SPAG16: variants seen among roughly 807,000 people sequenced by gnomAD.
SPAG16 encodes the protein sperm associated antigen 16.
SPAG16 carries 86 observed loss-of-function variants against 80.4 expected under a neutral mutation model. That is an observed-to-expected ratio of 1.07 (90% confidence interval 0.90 to 1.28). The LOEUF is 1.28. SPAG16 is among the 50% of genes most tolerant of loss of function. The pLI is 0.00. For synonymous variants in SPAG16, 294 were observed against 265.9 expected (o/e 1.11, Z -1.03); for missense variants, 870 against 765.3 (o/e 1.14, Z -1.61).
intron 10 of SPAG16, among the ~76,000 whole-genome samples, chr2:213,782,653 G>A (rs1398567907): frequency 6.6e-6 from 1 of 152,180 alleles, no homozygotes; most frequent in African/African-American, 2.4e-5. Flanking sequence ...CAAACAAGTG[G>A]TTATGGTAGG....
chr2:213,627,290 T>A (rs575566300), intron 10 of SPAG16, among the ~76,000 whole-genome samples: 3 of 152,168 alleles, frequency 2.0e-5, no homozygotes, highest in African/African-American at 7.2e-5. Flanking sequence ...AAAGAGGCAA[T>A]AAATTACAAT....
intron 10 of SPAG16, among the ~76,000 whole-genome samples, chr2:213,713,066 A>C (rs2066073595): frequency 6.6e-6 from 1 of 152,224 alleles, no homozygotes; most frequent in Non-Finnish European, 1.5e-5. Context: ...GCAGTGGGGG[A>C]AAGCCCCTCA....
At chr2:213,481,299 C>T (rs2073736351) in intron 9 of SPAG16, among the ~76,000 whole-genome samples, 1 of 152,204 alleles carries the variant, frequency 6.6e-6, no homozygotes, top group African/African-American at 2.4e-5. Flanking sequence ...AGTCTTCATT[C>T]ATTTTCAAAG....
At chr2:213,672,174 ATTT>A (rs57118142) in intron 10 of SPAG16, among the ~76,000 whole-genome samples, 1 of 147,182 alleles carries the variant, frequency 6.8e-6, no homozygotes, top group African/African-American at 2.5e-5. Context: ...AATTTCTTTG[ATTT>A]TTTTTTTTTC....
chr2:213,309,173 G>A (rs1482190627), intron 3 of SPAG16, among the ~76,000 whole-genome samples: 4 of 152,108 alleles, frequency 2.6e-5, no homozygotes, highest in Non-Finnish European at 1.5e-5. Flanking sequence ...ATTAGGGATT[G>A]CTCAACTTGT....
intron 10 of SPAG16, among the ~76,000 whole-genome samples, chr2:213,495,176 T>C (rs2074426494): frequency 6.6e-6 from 1 of 152,234 alleles, no homozygotes; most frequent in African/African-American, 2.4e-5. Context: ...TGGGAGATTA[T>C]ATCTTCAGTT....
intron 10 of SPAG16, among the ~76,000 whole-genome samples, chr2:213,702,016 G>A (rs112968589): frequency 9.2e-4 from 140 of 152,312 alleles, no homozygotes; most frequent in Middle Eastern, 3.4e-3. Context: ...CTAGCTGAAG[G>A]TTTGTAAACT....
chr2:214,060,524 T>C (rs76891623), intron 13 of SPAG16, among the ~76,000 whole-genome samples: 3,696 of 152,174 alleles, frequency 0.024, 103 homozygotes, highest in South Asian at 0.13. Flanking sequence ...ATAATAACAA[T>C]ACAACCATAA....
intron 15 of SPAG16, among the ~76,000 whole-genome samples, chr2:214,167,872 A>G (rs1334123741): frequency 6.6e-6 from 1 of 151,634 alleles, no homozygotes; most frequent in Middle Eastern, 3.2e-3. Flanking sequence ...AGGTCTCCAG[A>G]GTGACACTGA....
intron 10 of SPAG16, among the ~76,000 whole-genome samples, chr2:213,645,232 A>C (rs2062777942): frequency 6.6e-6 from 1 of 152,126 alleles, no homozygotes; most frequent in Admixed American, 6.5e-5. Flanking sequence ...ACTGGACTGG[A>C]ACTCAGCTTT....
At chr2:214,214,738 T>C (rs1218916718) in intron 15 of SPAG16, among the ~76,000 whole-genome samples, 1 of 151,738 alleles carries the variant, frequency 6.6e-6, no homozygotes, top group Non-Finnish European at 1.5e-5. Flanking sequence ...TAAAATTAGG[T>C]ATATTTATTT....
In SPAG16 at chr2:213,478,014, T is replaced by C. The variant is rs2073514862; in HGVS notation, c.943-11949T>C. Among the ~76,000 whole-genome samples the C allele has an allele frequency of 2.0e-5, 3 of 152,168 alleles. No individual in the cohort carries two copies. The South Asian group carries it at 6.2e-4, about 31-fold the overall frequency. ...CTGTGCTTGTGATAGTGAGTGGGTC[T>C]CACAAGATCTGATGGTTTTAGAAGT... On this transcript the variant is annotated intron_variant, in intron 9 of 15. Coordinates refer to ENST00000331683, the MANE Select transcript of SPAG16 (RefSeq NM_024532.5).
chr2:213,334,689 A>G (rs569050036), intron 5 of SPAG16, among the ~76,000 whole-genome samples: 1 of 152,326 alleles, frequency 6.6e-6, no homozygotes, highest in African/African-American at 2.4e-5. Flanking sequence ...TGTTAAGTGA[A>G]ATAACCCAGG....
intron 13 of SPAG16, among the ~76,000 whole-genome samples, chr2:214,022,677 C>A (rs1216068056): frequency 6.6e-6 from 1 of 150,692 alleles, no homozygotes; most frequent in Non-Finnish European, 1.5e-5. Context: ...AGTGAGGGAA[C>A]AATGGAGGGT....
intron 11 of SPAG16, among the ~76,000 whole-genome samples, chr2:213,893,383 C>T (rs2076861267): frequency 6.6e-6 from 1 of 151,948 alleles, no homozygotes; most frequent in South Asian, 2.1e-4. Flanking sequence ...GGTATAAAAC[C>T]CACTGTTATA....
intron 15 of SPAG16, among the ~76,000 whole-genome samples, chr2:214,401,065 A>G (rs1701679311): frequency 6.6e-6 from 1 of 152,014 alleles, no homozygotes; most frequent in Admixed American, 6.6e-5. Flanking sequence ...TCTGAAATGC[A>G]TTGATCAGCA....
chr2:214,005,277 C>G (rs565071114), intron 12 of SPAG16, among the ~76,000 whole-genome samples: 1 of 152,156 alleles, frequency 6.6e-6, no homozygotes, highest in Non-Finnish European at 1.5e-5. Flanking sequence ...TGAGTGAGGA[C>G]TTGAAGGCAC....
At chr2:213,904,616 A>C (rs1032135632) in intron 11 of SPAG16, among the ~76,000 whole-genome samples, 6 of 151,684 alleles carry the variant, frequency 4.0e-5, no homozygotes, top group African/African-American at 1.2e-4. Context: ...AAAAAAAAAA[A>C]AAAAACAAAG....
intron 15 of SPAG16, among the ~76,000 whole-genome samples, chr2:214,298,151 CACACATATACACACACACACACACAT>C: frequency 8.7e-5 from 1 of 11,538 alleles, no homozygotes; most frequent in African/African-American, 1.9e-4. Context: ...TACACACACA[CACACATATACACACACACACACACAT>C]ATATATATAT....
Sources: gnomAD v4.1 joint callset for allele counts (sites outside exome capture counted in the v4.1 genomes callset) on GRCh38, gnomAD v4.1.1 for gene constraint, MANE v1.5 for transcripts, NCBI Gene and HGNC (gene_info 2026-07-23, HGNC 2026-07-21) for gene names.